LARP4B: variants seen among roughly 807,000 people sequenced by gnomAD.
The protein encoded by LARP4B is la-related protein 4B.
In LARP4B, 12 loss-of-function variants were observed where a neutral mutation model predicts 89.8. The observed-to-expected ratio is 0.13, with a 90% CI of 0.09 to 0.22. LARP4B has a LOEUF of 0.22. Ranked by LOEUF, LARP4B falls within the 10% of genes least tolerant of loss-of-function variation. The pLI, the probability that LARP4B is intolerant of heterozygous loss-of-function variation, is 1.00. For missense variants in LARP4B, 757 were observed against 947.7 expected (o/e 0.80, Z 2.64); for synonymous variants, 367 against 363.3 (o/e 1.01, Z -0.12).
At chr10:945,991 G>A in the LARP4B span, among the ~76,000 whole-genome samples, 12 of 152,184 alleles carry the variant, frequency 7.9e-5, no homozygotes, top group African/African-American at 2.9e-4. Flanking sequence ...CTCCAGAGCT[G>A]CAAGAATGTA....
intron 17 of LARP4B, among the ~76,000 whole-genome samples, chr10:813,630 CA>C (rs758168689): frequency 2.0e-5 from 3 of 152,178 alleles, no homozygotes; most frequent in Admixed American, 6.5e-5. Context: ...AGGCAAACTC[CA>C]AAAACAGTCT....
Position 812,942 on chromosome 10 carries a change from G to C in LARP4B, c.2201C>G (p.Pro734Arg), listed in dbSNP as rs771715315. ...KRLSREQSTP[P>R]KSPQ ...GTACGGTTTTCACTGAGGAGACTTG[G>C]GGGGAGTGCTCTGCTCTCGGCTGAG... Residue 734 changes from proline (P) to arginine (R), a missense_variant, in exon 18 of 18, where the codon CCC (proline) becomes CGC (arginine). Physicochemically the swap from Pro to Arg is moderately radical, Grantham distance 103 (BLOSUM62 -2). This residue lies in a region of LARP4B where 387 missense variants were observed against 423.6 expected (regional missense o/e 0.91). Transcript: ENST00000316157. 29 of 1,547,896 alleles carry C rather than the reference G, an allele frequency of 1.9e-5. No individual in the cohort carries two copies. Among genetic ancestry groups the C allele is most frequent in the East Asian group, 2.2e-5 (1 of 44,510 alleles).
At chr10:896,698 G>A (rs1441230332) in intron 1 of LARP4B, among the ~76,000 whole-genome samples, 1 of 152,102 alleles carries the variant, frequency 6.6e-6, no homozygotes, top group Non-Finnish European at 1.5e-5. Context: ...CACAGATGGA[G>A]ACAAACCATA....
At chr10:873,517 A>G (rs748219740) in intron 3 of LARP4B, 83 of 534,360 alleles carry the variant, frequency 1.6e-4, no homozygotes, top group Non-Finnish European at 1.9e-4. Flanking sequence ...TATTTCCCAA[A>G]TTATATTTCA....
intron 11 of LARP4B, among the ~76,000 whole-genome samples, chr10:827,291 A>G (rs796651042): frequency 1.3e-5 from 2 of 152,038 alleles, no homozygotes; most frequent in African/African-American, 4.8e-5. Context: ...AAAAGAAAAT[A>G]CATCACACTT....
intron 1 of LARP4B, among the ~76,000 whole-genome samples, chr10:914,209 G>A (rs936792014): frequency 6.6e-5 from 10 of 152,186 alleles, no homozygotes; most frequent in Middle Eastern, 3.4e-3. Context: ...CTGGAAATTC[G>A]AGTTACTAAG....
chr10:978,776 C>G, the LARP4B span, among the ~76,000 whole-genome samples: 1 of 152,150 alleles, frequency 6.6e-6, no homozygotes, highest in Non-Finnish European at 1.5e-5. Context: ...CACTTTGCTT[C>G]TATTGCAAGT....
At chr10:951,511 ACT>A in the LARP4B span, among the ~76,000 whole-genome samples, 1 of 151,824 alleles carries the variant, frequency 6.6e-6, no homozygotes, top group Non-Finnish European at 1.5e-5. Flanking sequence ...GCGCCACTGC[ACT>A]CCAGCCTGGG....
intron 8 of LARP4B, among the ~76,000 whole-genome samples, chr10:831,719 G>C (rs1326681668): frequency 3.3e-5 from 5 of 152,224 alleles, no homozygotes; most frequent in Admixed American, 2.0e-4. Flanking sequence ...ATGAGCCCTA[G>C]AGAAAAGGCT....
chr10:908,617 T>C lies in LARP4B; in HGVS notation c.-40+22811A>G, dbSNP rs578163339. ...CCACTGGTGTCTGCTGTAAAACTGA[T>C]TGGTTGCTGGTGGGGAGAAATCCCC... is the stretch of plus-strand genomic sequence containing the variant. On this transcript the variant is annotated intron_variant, in intron 1 of 17. Coordinates refer to ENST00000316157, the MANE Select transcript of LARP4B (RefSeq NM_015155.3). 6.9e-4 allele frequency among the ~76,000 whole-genome samples: 105 copies of C among 152,282 alleles called. 4 individuals carry two copies. The South Asian group carries it at 0.022, about 32-fold the overall frequency.
chr10:854,453 G>C (rs1420501069), intron 5 of LARP4B, among the ~76,000 whole-genome samples: 1 of 152,098 alleles, frequency 6.6e-6, no homozygotes, highest in Non-Finnish European at 1.5e-5. Context: ...TGATCCATAG[G>C]CTACCGAATG....
upstream of LARP4B, among the ~76,000 whole-genome samples, chr10:935,992 C>T (rs562212312): frequency 6.6e-6 from 1 of 151,810 alleles, no homozygotes; most frequent in Admixed American, 6.6e-5. Flanking sequence ...AATCTACCTG[C>T]CTCCGCCTCC....
the LARP4B span, among the ~76,000 whole-genome samples, chr10:952,639 AGCCC>A: frequency 0.041 from 504 of 12,314 alleles, 18 homozygotes; most frequent in South Asian, 0.069. Flanking sequence ...AAATCGCACC[AGCCC>A]AGAACCAACT....
chr10:881,141 C>G (rs1251059149), intron 3 of LARP4B, among the ~76,000 whole-genome samples: 1 of 152,166 alleles, frequency 6.6e-6, no homozygotes, highest in African/African-American at 2.4e-5. Flanking sequence ...AACCTTTAAC[C>G]AAACGACACT....
At chr10:825,466 T>C (rs954803522) in intron 12 of LARP4B, 150 bp from the exon 13 acceptor site, 89 of 790,438 alleles carry the variant, frequency 1.1e-4, no homozygotes, top group Middle Eastern at 3.7e-4. Flanking sequence ...TCCTAACATA[T>C]AGGATAATGC....
upstream of LARP4B, chr10:933,263 C>A (rs571304171): frequency 6.6e-6 from 1 of 152,266 alleles, no homozygotes; most frequent in East Asian, 1.9e-4. Flanking sequence ...CATGGTTAAC[C>A]GTGTACCTGT....
chr10:948,038 C>T, the LARP4B span, among the ~76,000 whole-genome samples: 1 of 151,922 alleles, frequency 6.6e-6, no homozygotes. Context: ...CACGGGAGAC[C>T]CCCAAGAGTG....
At chr10:970,132 T>C in the LARP4B span, among the ~76,000 whole-genome samples, 9 of 152,198 alleles carry the variant, frequency 5.9e-5, no homozygotes, top group African/African-American at 1.9e-4. Flanking sequence ...TAGACATGAA[T>C]GGAAATTGAC....
Position 825,798 on chromosome 10 carries a change from G to C in LARP4B, c.1198C>G (p.Leu400Val), listed in dbSNP as rs761532840. 1 of 1,613,990 alleles carries C rather than the reference G, an allele frequency of 6.2e-7. No homozygotes were observed. The change falls in exon 12 of 18, where the codon CTG (leucine) becomes GTG (valine). Residue 400 changes from leucine to valine, a missense_variant. Coordinates refer to ENST00000316157, the MANE Select transcript of LARP4B (RefSeq NM_015155.3). ...SPAFKPAASP[L>V]TSLRQYPPRS... ...GGAGGATACTGTCTGAGAGAAGTCA[G>C]AGGAGACGCCGCAGGCTTGAACGCT...
Sources: allele counts gnomAD v4.1 joint callset (sites outside exome capture counted in the v4.1 genomes callset), GRCh38; gene constraint gnomAD v4.1.1; regional missense constraint gnomAD v4.1.1; transcripts MANE v1.5; gene names NCBI Gene and HGNC (gene_info 2026-07-23, HGNC 2026-07-21).